Variants in NBAS observed in about 807,000 individuals in gnomAD.
NBAS encodes NBAS subunit of NRZ tethering complex.
NBAS carries 219 observed loss-of-function variants against 302.5 expected under a neutral mutation model. That is an observed-to-expected ratio of 0.72 (90% CI 0.65 to 0.81). NBAS has a LOEUF of 0.81. Among genes scored for constraint, NBAS ranks in the 30% least tolerant of loss-of-function variants. The pLI, the probability that NBAS is intolerant of heterozygous loss-of-function variation, is 0.00. For synonymous variants in NBAS, 1,118 were observed against 1,021.6 expected (o/e 1.09, Z -1.80); for missense variants, 2,932 against 2,841.6 (o/e 1.03, Z -0.72).
chr2:15,430,388 A>T (rs1331415280), intron 21 of NBAS, among the ~76,000 whole-genome samples: 1 of 152,174 alleles, frequency 6.6e-6, no homozygotes, highest in Non-Finnish European at 1.5e-5. Context: ...TGATGATGAT[A>T]ATAATAGCAT....
chr2:15,450,203 T>C (rs1488999422), intron 21 of NBAS, among the ~76,000 whole-genome samples: 1 of 152,214 alleles, frequency 6.6e-6, no homozygotes, highest in Non-Finnish European at 1.5e-5. Context: ...AAGAGATTCA[T>C]CTTTGTTTAC....
Position 15,399,516 on chromosome 2 carries a change from T to A in NBAS, c.3071+2652A>T, listed in dbSNP as rs566525124. Among the ~76,000 whole-genome samples, 1,510 of 152,244 alleles carry A rather than the reference T, an allele frequency of 9.9e-3. 29 individuals carry two copies. The highest frequency in any genetic ancestry group is 0.035 in the African/African-American group (1,448 of 41,540). ...GGCCTACAGTTCTCAGAGACACACT[T>A]GCTACACTCTGCTGCTCTCTACTAG... On this transcript the variant is annotated intron_variant, in intron 26 of 51. Coordinates refer to ENST00000281513, the MANE Select transcript of NBAS (RefSeq NM_015909.4).
the NBAS span, among the ~76,000 whole-genome samples, chr2:15,004,487 C>T: frequency 1.1e-4 from 16 of 152,218 alleles, no homozygotes; most frequent in East Asian, 1.7e-3. Context: ...ACCTGCCAAA[C>T]GGTGAGTGAG....
chr2:15,476,420 T>C (rs905161324), intron 13 of NBAS, among the ~76,000 whole-genome samples: 1 of 152,022 alleles, frequency 6.6e-6, no homozygotes, highest in African/African-American at 2.4e-5. Flanking sequence ...AAAGAATCTT[T>C]AGAAATGAAA....
At chr2:14,994,246 T>C in the NBAS span, among the ~76,000 whole-genome samples, 7 of 152,318 alleles carry the variant, frequency 4.6e-5, no homozygotes, top group Admixed American at 6.5e-5. Context: ...CATAAACAAA[T>C]GGAAATCCAT....
intron 38 of NBAS, among the ~76,000 whole-genome samples, chr2:15,309,729 C>T (rs1558522880): frequency 6.6e-6 from 1 of 152,198 alleles, no homozygotes; most frequent in Non-Finnish European, 1.5e-5. Context: ...TAACACCCCT[C>T]CTCATCACGC....
At chr2:15,282,209 T>G (rs995102401) in intron 42 of NBAS, among the ~76,000 whole-genome samples, 1 of 152,138 alleles carries the variant, frequency 6.6e-6, no homozygotes, top group Non-Finnish European at 1.5e-5. Context: ...TAATAACTAA[T>G]AGGGGTTAGA....
chr2:14,954,074 C>A, the NBAS span, among the ~76,000 whole-genome samples: 1 of 152,094 alleles, frequency 6.6e-6, no homozygotes, highest in Non-Finnish European at 1.5e-5. Flanking sequence ...AGTGGTCTGA[C>A]GAATGTAAAA....
In NBAS at chr2:15,475,837, T is replaced by C; in HGVS notation, c.1191A>G (p.Ala397=). 6.2e-7 allele frequency: 1 copy of C among 1,614,036 alleles called. No individual in the cohort carries two copies. The highest frequency in any genetic ancestry group is 2.2e-5 in the East Asian group (1 of 44,858). ...ATCGAGCTAAAGTCACTGCACTGTC[T>C]GCCCACCAATTGACATCTATCAGTG... ...FYPLIDVNWW[A]DSAVTLARCS... The change falls in exon 14 of 52, where the codon GCA becomes GCG. Residue 397 remains alanine (A), a synonymous_variant. Coordinates refer to ENST00000281513, the MANE Select transcript of NBAS (RefSeq NM_015909.4).
At chr2:14,950,558 T>C in the NBAS span, among the ~76,000 whole-genome samples, 1 of 152,152 alleles carries the variant, frequency 6.6e-6, no homozygotes, top group East Asian at 1.9e-4. Context: ...TAAAGAATGT[T>C]TTAAAAAACA....
chr2:15,145,594 G>A, the NBAS span, among the ~76,000 whole-genome samples: 1 of 152,112 alleles, frequency 6.6e-6, no homozygotes, highest in South Asian at 2.1e-4. Context: ...GAGCATCTGA[G>A]TCCCAGGCTT....
At chr2:14,863,431 C>G in the NBAS span, among the ~76,000 whole-genome samples, 2 of 152,090 alleles carry the variant, frequency 1.3e-5, no homozygotes, top group Non-Finnish European at 1.5e-5. Flanking sequence ...TCACAAGGTA[C>G]ATGGTGGGGA....
chr2:15,082,477 C>A, the NBAS span, among the ~76,000 whole-genome samples: 1 of 152,154 alleles, frequency 6.6e-6, no homozygotes. Flanking sequence ...GCTGGAAGGT[C>A]ACTTTCACTC....
At chr2:15,147,093 T>C in the NBAS span, among the ~76,000 whole-genome samples, 3 of 152,106 alleles carry the variant, frequency 2.0e-5, no homozygotes, top group Admixed American at 1.3e-4. Context: ...AGCAGTTGCA[T>C]GCTTAAGGAA....
chr2:15,140,992 T>C, the NBAS span, among the ~76,000 whole-genome samples: 3 of 152,196 alleles, frequency 2.0e-5, no homozygotes, highest in Non-Finnish European at 2.9e-5. Flanking sequence ...GGATACAGTA[T>C]TTAGTAAGTG....
At chr2:14,794,209 G>C in the NBAS span, among the ~76,000 whole-genome samples, 2 of 152,030 alleles carry the variant, frequency 1.3e-5, no homozygotes, top group African/African-American at 4.8e-5. Context: ...CTTTAAATTT[G>C]GAGCCCTCTT....
the NBAS span, among the ~76,000 whole-genome samples, chr2:14,823,440 C>G: frequency 2.4e-3 from 359 of 152,268 alleles, no homozygotes; most frequent in African/African-American, 7.9e-3. Context: ...ATTACTTAGT[C>G]TGACCTACAC....
rs1022771726 is a variant in NBAS at position 15,534,653 on chromosome 2, A to G, written c.648-12T>C. The G allele has an allele frequency of 6.3e-7, 1 of 1,581,496 alleles. No individual in the cohort carries two copies. The highest frequency in any genetic ancestry group is 8.7e-7 in the Non-Finnish European group (1 of 1,150,236). On this transcript the variant is annotated splice_polypyrimidine_tract_variant and intron_variant, in intron 8 of 51. Coordinates refer to ENST00000281513, the MANE Select transcript of NBAS (RefSeq NM_015909.4). ...GATTTGTTCCAACACTAAATTTAAG[A>G]GGGTATGAAAGAAGTAAATACCATT...
At chr2:15,414,345 AATG>A (rs1165860600) in intron 25 of NBAS, among the ~76,000 whole-genome samples, 1 of 152,230 alleles carries the variant, frequency 6.6e-6, no homozygotes, top group Non-Finnish European at 1.5e-5. Flanking sequence ...TTAGAATTGG[AATG>A]AGCCCTACAT....
Sources: gnomAD v4.1 joint callset for allele counts (sites outside exome capture counted in the v4.1 genomes callset) on GRCh38, gnomAD v4.1.1 for gene constraint, MANE v1.5 for transcripts, NCBI Gene and HGNC (gene_info 2026-07-23, HGNC 2026-07-21) for gene names.